Variants in IMMP1L observed in about 807,000 individuals in gnomAD.
IMMP1L encodes inner mitochondrial membrane peptidase subunit 1.
IMMP1L carries 24 observed loss-of-function variants against 21.8 expected under a neutral mutation model. That is an observed-to-expected ratio of 1.10 (90% CI 0.80 to 1.55). The LOEUF (loss-of-function observed/expected upper bound fraction) is 1.55. Among genes scored for constraint, IMMP1L ranks in the 40% most tolerant of loss-of-function variants. The pLI is 0.00. For synonymous variants in IMMP1L, 46 were observed against 62.8 expected (o/e 0.73, Z 1.26); for missense variants, 195 against 200.7 (o/e 0.97, Z 0.17).
chr11:31,457,266 C>T (rs1953979447), intron 3 of IMMP1L, among the ~76,000 whole-genome samples: 1 of 152,016 alleles, frequency 6.6e-6, no homozygotes, highest in Non-Finnish European at 1.5e-5. Flanking sequence ...GGTCTGATTA[C>T]ATACAGAAGT....
intron 4 of IMMP1L, chr11:31,453,076 G>A (rs1285864403): frequency 1.6e-6 from 2 of 1,289,156 alleles, no homozygotes; most frequent in Middle Eastern, 2.1e-4. Context: ...AATAGGAACT[G>A]CTTAGTTTCC....
At chr11:31,482,381 CT>C (rs1838898652) in intron 1 of IMMP1L, among the ~76,000 whole-genome samples, 1 of 152,048 alleles carries the variant, frequency 6.6e-6, no homozygotes, top group African/African-American at 2.4e-5. Context: ...ACTTAAACTT[CT>C]GTTCATTAAA....
At chr11:31,476,467 G>A (rs920604241) in intron 1 of IMMP1L, among the ~76,000 whole-genome samples, 1 of 151,884 alleles carries the variant, frequency 6.6e-6, no homozygotes, top group Non-Finnish European at 1.5e-5. Context: ...CATAAACAGA[G>A]GTGGTAGTAC....
intron 1 of IMMP1L, among the ~76,000 whole-genome samples, chr11:31,482,023 C>T (rs1954908122): frequency 6.6e-6 from 1 of 152,010 alleles, no homozygotes; most frequent in Admixed American, 6.6e-5. Context: ...GTAGACTCTC[C>T]TTAAAGGCAA....
chr11:31,497,460 C>CTTTTTTTT (rs796666845), intron 1 of IMMP1L, among the ~76,000 whole-genome samples: 1 of 124,000 alleles, frequency 8.1e-6, no homozygotes, highest in Non-Finnish European at 1.7e-5. Flanking sequence ...TATTTCTTTT[C>CTTTTTTTT]TTTTTTTTTT....
chr11:31,453,010 T>G (rs1442200649), intron 4 of IMMP1L: 2 of 1,185,984 alleles, frequency 1.7e-6, no homozygotes, highest in Admixed American at 4.7e-5. Context: ...CCTTGGCCTC[T>G]CAAAGTGCTG....
intron 1 of IMMP1L, among the ~76,000 whole-genome samples, chr11:31,492,975 G>A (rs894078936): frequency 6.6e-6 from 1 of 152,174 alleles, no homozygotes; most frequent in African/African-American, 2.4e-5. Context: ...AAGTGAGCAT[G>A]TACTGTTGGA....
intron 3 of IMMP1L, among the ~76,000 whole-genome samples, chr11:31,458,220 G>A (rs972943693): frequency 1.3e-5 from 2 of 152,010 alleles, no homozygotes; most frequent in Admixed American, 6.5e-5. Flanking sequence ...TATGCATAGC[G>A]TTTAGATCAA....
At chr11:31,497,059 C>T (rs1223112) in intron 1 of IMMP1L, among the ~76,000 whole-genome samples, 57,437 of 149,598 alleles carry the variant, frequency 0.38, 14,202 homozygotes, top group African/African-American at 0.7. Flanking sequence ...TATATATATA[C>T]ACACACAGAT....
chr11:31,452,484 T>C, intron 4 of IMMP1L: 1 of 985,464 alleles, frequency 1.0e-6, no homozygotes, highest in Non-Finnish European at 1.2e-6. Flanking sequence ...TTTTATTTAT[T>C]TCTTATTTGC....
At chr11:31,497,574 G>A (rs1000940144) in intron 1 of IMMP1L, among the ~76,000 whole-genome samples, 12 of 149,964 alleles carry the variant, frequency 8.0e-5, no homozygotes, top group African/African-American at 2.9e-4. Context: ...CAATTCTCCT[G>A]CCTCAGCCTC....
At chr11:31,454,153 A>G (rs1953855364) in intron 4 of IMMP1L, among the ~76,000 whole-genome samples, 1 of 152,214 alleles carries the variant, frequency 6.6e-6, no homozygotes, top group South Asian at 2.1e-4. Flanking sequence ...TGTACTGTAT[A>G]CTTATAAATT....
intron 1 of IMMP1L, among the ~76,000 whole-genome samples, chr11:31,503,662 T>C (rs1372320680): frequency 1.3e-5 from 2 of 152,208 alleles, no homozygotes; most frequent in African/African-American, 2.4e-5. Flanking sequence ...AATCCTACCA[T>C]AGACAACAAC....
At chr11:31,468,696 TATC>T (rs1377185634) in intron 1 of IMMP1L, among the ~76,000 whole-genome samples, 1 of 152,180 alleles carries the variant, frequency 6.6e-6, no homozygotes, top group African/African-American at 2.4e-5. Flanking sequence ...GTGGGGCAGA[TATC>T]ATAGATACAC....
intron 3 of IMMP1L, among the ~76,000 whole-genome samples, chr11:31,457,615 C>T (rs1953992046): frequency 6.6e-6 from 1 of 152,102 alleles, no homozygotes. Flanking sequence ...GTTCTAAACT[C>T]TTTGGGAGCC....
chr11:31,463,425 C>T (rs1954220404), intron 1 of IMMP1L, 120 bp from the exon 2 acceptor site: 2 of 882,292 alleles, frequency 2.3e-6, no homozygotes, highest in Admixed American at 3.9e-5. Flanking sequence ...CAATTTGGTG[C>T]AGGAAACCAA....
intron 1 of IMMP1L, among the ~76,000 whole-genome samples, chr11:31,476,755 T>C (rs1385484158): frequency 6.6e-6 from 1 of 152,122 alleles, no homozygotes. Context: ...TTACGTTGCA[T>C]ACTGTTTGGG....
chr11:31,461,870 T>A (rs1954151470), intron 2 of IMMP1L, among the ~76,000 whole-genome samples: 1 of 152,138 alleles, frequency 6.6e-6, no homozygotes, highest in Non-Finnish European at 1.5e-5. Flanking sequence ...ATCGCCACTT[T>A]AAAAATCTAA....
intron 1 of IMMP1L, among the ~76,000 whole-genome samples, chr11:31,491,494 C>T (rs1466538457): frequency 1.3e-5 from 2 of 152,156 alleles, no homozygotes; most frequent in African/African-American, 2.4e-5. Context: ...AAACGTAGAA[C>T]TTGGTAAGCA....
Sources: gnomAD v4.1 joint callset for allele counts (sites outside exome capture counted in the v4.1 genomes callset) on GRCh38, gnomAD v4.1.1 for gene constraint, MANE v1.5 for transcripts, NCBI Gene and HGNC (gene_info 2026-07-23, HGNC 2026-07-21) for gene names.